AFG3L2: variants seen among roughly 807,000 people sequenced by gnomAD.
AFG3L2 encodes AFG3 like matrix AAA peptidase subunit 2.
A neutral mutation model predicts 94.5 loss-of-function variants in AFG3L2; 54 were observed. The observed-to-expected ratio is 0.57, with a 90% CI of 0.46 to 0.72. The LOEUF (loss-of-function observed/expected upper bound fraction) is 0.72. AFG3L2 is among the 30% of genes least tolerant of loss of function. The pLI, the probability that AFG3L2 is intolerant of heterozygous loss-of-function variation, is 0.00. For missense variants in AFG3L2, 754 were observed against 994.9 expected, an observed-to-expected ratio of 0.76 and a Z score of 3.26; for synonymous variants, 377 against 365.5, an observed-to-expected ratio of 1.03 and a Z score of -0.36.
rs548478544 is a variant in AFG3L2, at chr18:12,352,428, T to C, written c.1318+577A>G. 2.6e-4 allele frequency among the ~76,000 whole-genome samples: 40 copies of C among 152,290 alleles called. No individual in the cohort carries two copies. In the South Asian group the frequency reaches 7.9e-3, roughly 30 times the overall value. On this transcript the variant is annotated intron_variant, in intron 10 of 16. Transcript: ENST00000269143. ...TTTATCTTCCAGCAGGAAGAACACA[T>C]GACATCCTGAGAAGTGGCTTTCCTA... is the stretch of plus-strand genomic sequence containing the variant.
chr18:12,377,157 C>CGGGCT lies in AFG3L2; in HGVS notation c.-80_-76dup. On this transcript the variant is annotated 5_prime_UTR_variant, in exon 1 of 17. Coordinates refer to ENST00000269143, the MANE Select transcript of AFG3L2 (RefSeq NM_006796.3). Reference sequence around the variant, plus strand: ...GGCGACGACTGGCGGCCTCGGGAAGCGGGCTCGGCTCGGGGAAAGGCCGCC... The same window carrying CGGGCT: ...GGCGACGACTGGCGGCCTCGGGAAGCGGGCTGGGCTCGGCTCGGGGAAAGGCCGCC... 1 of 1,169,072 alleles carries CGGGCT rather than the reference C, an allele frequency of 8.6e-7. No homozygotes were observed. The highest frequency in any genetic ancestry group is 1.1e-6 in the Non-Finnish European group (1 of 870,888). 72.4% of individuals were successfully genotyped at this position (1,169,072 alleles called of 1,614,324 possible).
At chr18:12,350,061 G>A (rs545213627) in intron 12 of AFG3L2, among the ~76,000 whole-genome samples, 1 of 151,730 alleles carries the variant, frequency 6.6e-6, no homozygotes, top group Non-Finnish European at 1.5e-5. Context: ...ATCTGGGCTG[G>A]AGTGCAGTGG....
intron 9 of AFG3L2, among the ~76,000 whole-genome samples, chr18:12,355,027 G>A (rs1217489627): frequency 6.6e-6 from 1 of 151,970 alleles, no homozygotes; most frequent in Non-Finnish European, 1.5e-5. Flanking sequence ...ATACCAGCCT[G>A]GCCAACATAG....
At chr18:12,332,440 C>A (rs1907563983) in intron 16 of AFG3L2, among the ~76,000 whole-genome samples, 1 of 152,048 alleles carries the variant, frequency 6.6e-6, no homozygotes. Context: ...GAAATTTAAT[C>A]TATTTGTAGT....
rs1909183020 is a variant in AFG3L2 at position 12,377,020 on chromosome 18, C to G, written c.63G>C (p.Gln21His). ...GGCCCACGCCGCCAGGCACGAGGAG[C>G]TGCTGTAGGCCGCGGGGCCAGCAGC... is the stretch of plus-strand genomic sequence containing the variant. ...RGGCWPRGLQQLLVPGGVGPG... is the reference protein window; with the variant it reads ...RGGCWPRGLQHLLVPGGVGPG... The change falls in exon 1 of 17, where the codon CAG becomes CAC. Residue 21 changes from glutamine (Q) to histidine (H), a missense_variant. Gln to His is a conservative substitution (Grantham distance 24). Coordinates refer to ENST00000269143, the MANE Select transcript of AFG3L2 (RefSeq NM_006796.3). The G allele has an allele frequency of 2.1e-6, 3 of 1,449,364 alleles. No individual in the cohort carries two copies. Among genetic ancestry groups the G allele is most frequent in the African/African-American group, 1.5e-5 (1 of 67,728 alleles). The allele number at this position is 1,449,364 out of a possible 1,614,324, so 89.8% of individuals were successfully genotyped here. A position where few individuals can be genotyped will look rare whatever the true frequency, so the allele number is the denominator to read the frequency against.
At position 12,329,563 on chromosome 18, in the gene AFG3L2, C is replaced by T. The variant is rs113981080; in HGVS notation, c.*2G>A. 3.4e-3 allele frequency: 5,410 copies of T among 1,613,702 alleles called. 143 individuals carry two copies. In the African/African-American group the frequency reaches 0.06, roughly 18 times the overall value. ...AGACTGAGATGGCCTCCCTCTGGGCCTCTAGTTGGCAACTTTCTCACCCGG... is the reference window on the plus strand; with the variant it reads ...AGACTGAGATGGCCTCCCTCTGGGCTTCTAGTTGGCAACTTTCTCACCCGG... On this transcript the variant is annotated 3_prime_UTR_variant, in exon 17 of 17. Coordinates refer to ENST00000269143, the MANE Select transcript of AFG3L2 (RefSeq NM_006796.3).
chr18:12,343,873 C>T (rs1392889975), intron 14 of AFG3L2: 4 of 537,858 alleles, frequency 7.4e-6, no homozygotes, highest in Non-Finnish European at 1.3e-5. Context: ...CCCACTGCAA[C>T]TGCTGCTTTA....
chr18:12,374,675 T>C lies in AFG3L2; in HGVS notation c.114+2294A>G, dbSNP rs536084691. Reference sequence around the variant, plus strand: ...TAGTGTCACTCAAAAGGAAAGCCTTTGGGTAACACTTCTGACATAAAACTG... The same window carrying C: ...TAGTGTCACTCAAAAGGAAAGCCTTCGGGTAACACTTCTGACATAAAACTG... On this transcript the variant is annotated intron_variant, in intron 1 of 16. Transcript: ENST00000269143. Among the ~76,000 whole-genome samples, 7 of 152,314 alleles carry C rather than the reference T, an allele frequency of 4.6e-5. No individual in the cohort carries two copies. In the South Asian group the frequency reaches 1.5e-3, roughly 32 times the overall value.
intron 9 of AFG3L2, among the ~76,000 whole-genome samples, chr18:12,354,900 C>A (rs1420194635): frequency 6.6e-6 from 1 of 151,902 alleles, no homozygotes; most frequent in Non-Finnish European, 1.5e-5. Context: ...ATCTGCACAA[C>A]AACAGCAAAG....
At chr18:12,369,832 G>A (rs1019330643) in intron 3 of AFG3L2, among the ~76,000 whole-genome samples, 12 of 151,854 alleles carry the variant, frequency 7.9e-5, no homozygotes, top group South Asian at 2.1e-4. Flanking sequence ...CGAGGCAGGC[G>A]GATCACAAGG....
chr18:12,347,308 C>T (rs546093809), intron 13 of AFG3L2, among the ~76,000 whole-genome samples: 5 of 152,332 alleles, frequency 3.3e-5, no homozygotes, highest in African/African-American at 9.6e-5. Flanking sequence ...GCCACTTCCA[C>T]GTCACACCCC....
intron 16 of AFG3L2, among the ~76,000 whole-genome samples, chr18:12,333,107 AACT>A (rs1907619519): frequency 3.4e-5 from 2 of 59,018 alleles, no homozygotes; most frequent in South Asian, 4.4e-4. Flanking sequence ...TCTATTATAT[AACT>A]ATTATATAAT....
chr18:12,354,943 G>A (rs1265217015), intron 9 of AFG3L2, among the ~76,000 whole-genome samples: 5 of 152,172 alleles, frequency 3.3e-5, no homozygotes, highest in Non-Finnish European at 7.3e-5. Flanking sequence ...GGCCGGACAA[G>A]GTGGCTCACG....
At chr18:12,366,372 G>A (rs894414131) in intron 5 of AFG3L2, among the ~76,000 whole-genome samples, 2 of 152,196 alleles carry the variant, frequency 1.3e-5, no homozygotes, top group African/African-American at 4.8e-5. Flanking sequence ...CCCATTGGTT[G>A]TGGTGAATAT....
intron 13 of AFG3L2, 25 bp downstream of exon 13, chr18:12,348,248 C>T: frequency 6.3e-7 from 1 of 1,576,610 alleles, no homozygotes; most frequent in Non-Finnish European, 8.7e-7. Context: ...AGCCTTTCCA[C>T]TTGAGTTATG....
chr18:12,337,278 A>G (rs961802594), intron 16 of AFG3L2, 63 bp downstream of exon 16: 5 of 1,413,666 alleles, frequency 3.5e-6, no homozygotes, highest in Non-Finnish European at 3.0e-6. Flanking sequence ...AAAACAGTCT[A>G]TCTATCACTT....
chr18:12,340,324 C>G lies in AFG3L2; in HGVS notation c.1857G>C (p.Glu619Asp). 1 of 1,614,118 alleles carries G rather than the reference C, an allele frequency of 6.2e-7. No homozygotes were observed. The highest frequency in any genetic ancestry group is 8.5e-7 in the Non-Finnish European group (1 of 1,179,966). The part of the protein sequence containing the change: ...LPKEQYLYTK[E>D]QLLDRMCMTL... ...TCATACACATCCTATCCAAGAGCTG[C>G]TCTTTGGTATAGAGGTATTGTTCTT... The change falls in exon 15 of 17, where the codon GAG (glutamate) becomes GAC (aspartate). Residue 619 changes from glutamate (E) to aspartate (D), a missense_variant. Glu to Asp is a conservative substitution (Grantham distance 45, BLOSUM62 2). This residue lies in a region of AFG3L2 where 279 missense variants were observed against 378.6 expected (regional missense o/e 0.74). Coordinates refer to ENST00000269143, the MANE Select transcript of AFG3L2 (RefSeq NM_006796.3).
chr18:12,353,539 T>A (rs1392726819), intron 9 of AFG3L2, among the ~76,000 whole-genome samples: 1,939 of 100,392 alleles, frequency 0.019, 29 homozygotes, highest in African/African-American at 0.063. Context: ...AAAAAAAAAA[T>A]GAAATAAATC....
At chr18:12,363,957 G>GA (rs1908735196) in intron 5 of AFG3L2, 101 bp from the exon 6 acceptor site, 1 of 922,166 alleles carries the variant, frequency 1.1e-6, no homozygotes, top group Admixed American at 1.9e-5. Context: ...GCCACACAAG[G>GA]AAAGAATAAA....
Sources: gnomAD v4.1 joint callset for allele counts (sites outside exome capture counted in the v4.1 genomes callset) on GRCh38, gnomAD v4.1.1 for gene constraint, gnomAD v4.1.1 regional missense constraint, MANE v1.5 for transcripts, NCBI Gene and HGNC (gene_info 2026-07-23, HGNC 2026-07-21) for gene names.